TBC1D4: variants seen among roughly 807,000 people sequenced by gnomAD.
The protein encoded by TBC1D4 is TBC (Tre-2, BUB2, CDC16) domain-containing protein.
A neutral mutation model predicts 142.5 loss-of-function variants in TBC1D4; 121 were observed. That is an observed-to-expected ratio of 0.85 (90% CI 0.73 to 0.99). The LOEUF (loss-of-function observed/expected upper bound fraction) is 0.99. Among genes scored for constraint, TBC1D4 ranks in the 50% least tolerant of loss-of-function variants. TBC1D4 has a pLI of 0.00. For synonymous variants in TBC1D4, 630 were observed against 628.2 expected, an observed-to-expected ratio of 1.00 and a Z score of -0.04; for missense variants, 1,475 against 1,606.6, an observed-to-expected ratio of 0.92 and a Z score of 1.40.
At chr13:75,350,769 T>A (rs1881526588) in intron 4 of TBC1D4, among the ~76,000 whole-genome samples, 3 of 152,188 alleles carry the variant, frequency 2.0e-5, no homozygotes, top group African/African-American at 7.2e-5. Flanking sequence ...AGGTATCTAG[T>A]AGAAATAATG....
At chr13:75,361,304 C>A (rs981320354) in intron 2 of TBC1D4, among the ~76,000 whole-genome samples, 4 of 152,086 alleles carry the variant, frequency 2.6e-5, no homozygotes, top group African/African-American at 7.2e-5. Context: ...TTTTTCTTCT[C>A]TAGAAAAAAA....
At chr13:75,409,578 G>T (rs780840451) in intron 1 of TBC1D4, among the ~76,000 whole-genome samples, 1 of 152,116 alleles carries the variant, frequency 6.6e-6, no homozygotes, top group African/African-American at 2.4e-5. Flanking sequence ...TGGAAGTTCT[G>T]CAAATTAGTT....
intron 1 of TBC1D4, among the ~76,000 whole-genome samples, chr13:75,367,994 C>T (rs7330729): frequency 0.28 from 42,266 of 151,964 alleles, 6,719 homozygotes; most frequent in African/African-American, 0.44. Context: ...ACACCGAGTT[C>T]GTGCTATGGT....
chr13:75,398,920 A>G (rs1884939730), intron 1 of TBC1D4, among the ~76,000 whole-genome samples: 1 of 152,210 alleles, frequency 6.6e-6, no homozygotes, highest in Non-Finnish European at 1.5e-5. Flanking sequence ...CCTGACACCC[A>G]GCCTAAAGTA....
chr13:75,406,918 A>C (rs1225057185), intron 1 of TBC1D4, among the ~76,000 whole-genome samples: 2 of 152,190 alleles, frequency 1.3e-5, no homozygotes, highest in Admixed American at 1.3e-4. Flanking sequence ...ATTCAGATGC[A>C]TGTAGGATCT....
chr13:75,287,124 A>G, intron 20 of TBC1D4, 99 bp from the exon 21 acceptor site: 4 of 997,914 alleles, frequency 4.0e-6, no homozygotes, highest in Non-Finnish European at 4.6e-6. Flanking sequence ...ACTTAATAAA[A>G]TATTATGTGA....
At chr13:75,371,960 G>A (rs1410488909) in intron 1 of TBC1D4, among the ~76,000 whole-genome samples, 1 of 152,092 alleles carries the variant, frequency 6.6e-6, no homozygotes, top group Non-Finnish European at 1.5e-5. Flanking sequence ...ATAACCTTAT[G>A]TTTCTTTCCT....
rs1062087 is a variant in TBC1D4 at position 75,310,080 on chromosome 13, C to T, written c.2455G>A (p.Val819Ile). Residue 819 changes from valine (V) to isoleucine (I), a missense_variant, in exon 14 of 21, where the codon GTA becomes ATA. Transcript: ENST00000377636. ...SPTMEEEPLVVFLSGEDDPEK... is the reference protein window; with the variant it reads ...SPTMEEEPLVIFLSGEDDPEK... The stretch of plus-strand genomic sequence containing the variant: ...GGGTCATCCTCCCCAGACAGGAATA[C>T]AACCAGCGGTTCCTCCTCCATGGTT... 0.85 allele frequency: 1,379,668 copies of T among 1,613,816 alleles called. 597,291 individuals carry two copies. Among genetic ancestry groups the T allele is most frequent in the South Asian group, 0.93 (84,894 of 91,056 alleles).
chr13:75,353,090 C>T (rs1249213540), intron 4 of TBC1D4, among the ~76,000 whole-genome samples: 1 of 152,102 alleles, frequency 6.6e-6, no homozygotes, highest in Admixed American at 6.5e-5. Context: ...TGCCAAACCT[C>T]GGATTCTGAC....
At chr13:75,423,889 T>C (rs1886265922) in intron 1 of TBC1D4, among the ~76,000 whole-genome samples, 1 of 152,242 alleles carries the variant, frequency 6.6e-6, no homozygotes, top group Admixed American at 6.5e-5. Context: ...AAAGAAGTTC[T>C]GGAGACTGCA....
chr13:75,469,858 T>G (rs1888326110), intron 1 of TBC1D4, among the ~76,000 whole-genome samples: 1 of 152,142 alleles, frequency 6.6e-6, no homozygotes, highest in Non-Finnish European at 1.5e-5. Context: ...AAAAGTAGGA[T>G]TCAAATATAA....
chr13:75,325,803 C>G (rs1191849388), intron 10 of TBC1D4, among the ~76,000 whole-genome samples: 1 of 152,034 alleles, frequency 6.6e-6, no homozygotes, highest in Non-Finnish European at 1.5e-5. Context: ...ACTTTTAAAA[C>G]CCTGGTATTT....
chr13:75,342,866 A>T (rs1420497366), intron 5 of TBC1D4, among the ~76,000 whole-genome samples: 1 of 151,890 alleles, frequency 6.6e-6, no homozygotes, highest in African/African-American at 2.4e-5. Flanking sequence ...TAAACCTTAT[A>T]GGTAGGCTGG....
chr13:75,336,787 T>G, intron 8 of TBC1D4, 134 bp downstream of exon 8: 1 of 1,153,488 alleles, frequency 8.7e-7, no homozygotes. Flanking sequence ...TGTTAAATAA[T>G]TTTTAAAAGT....
At chr13:75,466,124 A>C (rs1000103636) in intron 1 of TBC1D4, among the ~76,000 whole-genome samples, 2 of 152,212 alleles carry the variant, frequency 1.3e-5, no homozygotes, top group Admixed American at 6.5e-5. Flanking sequence ...TCTCAGAATA[A>C]ATCTCTTCAA....
chr13:75,297,884 T>C (rs569946961), intron 17 of TBC1D4, among the ~76,000 whole-genome samples: 1 of 152,128 alleles, frequency 6.6e-6, no homozygotes, highest in African/African-American at 2.4e-5. Context: ...AGGAATCAAA[T>C]CATATGAACT....
intron 1 of TBC1D4, among the ~76,000 whole-genome samples, chr13:75,381,173 A>T (rs564037480): frequency 5.3e-5 from 8 of 152,276 alleles, no homozygotes; most frequent in Non-Finnish European, 8.8e-5. Context: ...AAAATTAATA[A>T]ATATTAACTA....
At chr13:75,330,672 A>C (rs946927401) in intron 8 of TBC1D4, among the ~76,000 whole-genome samples, 1 of 152,246 alleles carries the variant, frequency 6.6e-6, no homozygotes. Context: ...CTACATCCCT[A>C]AACTAAAGCT....
chr13:75,407,350 C>T (rs964450439), intron 1 of TBC1D4, among the ~76,000 whole-genome samples: 2 of 152,174 alleles, frequency 1.3e-5, no homozygotes, highest in Non-Finnish European at 2.9e-5. Context: ...CAGATCAATT[C>T]CCTCCAAATC....
Sources: gnomAD v4.1 joint callset for allele counts (sites outside exome capture counted in the v4.1 genomes callset) on GRCh38, gnomAD v4.1.1 for gene constraint, MANE v1.5 for transcripts, NCBI Gene and HGNC (gene_info 2026-07-23, HGNC 2026-07-21) for gene names.